BDNF: variants seen among roughly 807,000 people sequenced by gnomAD.
BDNF encodes the protein neurotrophic factor BDNF precursor form.
A neutral mutation model predicts 19.5 loss-of-function variants in BDNF; 1 was observed. The observed-to-expected ratio is 0.05, with a 90% confidence interval of 0.02 to 0.24. The LOEUF (loss-of-function observed/expected upper bound fraction) is 0.24. Among genes scored for constraint, BDNF ranks in the 10% least tolerant of loss-of-function variants. The probability of loss-of-function intolerance (pLI) is 1.00; values close to 1 mark genes in which losing one functional copy is unlikely to be tolerated. For synonymous variants in BDNF, 100 were observed against 121.6 expected, an observed-to-expected ratio of 0.82 and a Z score of 1.17; for missense variants, 195 against 317.6, an observed-to-expected ratio of 0.61 and a Z score of 2.93.
rs745560630 is a variant in BDNF at position 27,656,677 on chromosome 11, T to A, written c.*1144A>T. ...AGGTGTTTCTGGGTTGATACAGGGC[T>A]CTACCTTTTGCTTACAAGACATTGT... On this transcript the variant is annotated 3_prime_UTR_variant, in exon 2 of 2. Coordinates refer to ENST00000356660, the MANE Select transcript of BDNF (RefSeq NM_001709.5). The A allele has an allele frequency of 6.1e-6, 6 of 985,570 alleles. No individual in the cohort carries two copies. The African/African-American group carries it at 1.0e-4, about 17-fold the overall frequency. 61.1% of individuals were successfully genotyped at this position (985,570 alleles called of 1,614,324 possible). A position where few individuals can be genotyped will look rare whatever the true frequency, so the allele number is the denominator to read the frequency against.
intron 1 of BDNF, among the ~76,000 whole-genome samples, chr11:27,706,689 CATGTGTGTGAA>C (rs1349500221): frequency 6.6e-6 from 1 of 152,158 alleles, no homozygotes; most frequent in Non-Finnish European, 1.5e-5. Context: ...CCAAACCAGA[CATGTGTGTGAA>C]ATTATCCAGG....
chr11:27,682,203 G>T (rs1856914893), intron 1 of BDNF, among the ~76,000 whole-genome samples: 1 of 151,934 alleles, frequency 6.6e-6, no homozygotes, highest in Admixed American at 6.6e-5. Context: ...TTCTTAAACT[G>T]TCCCATACAT....
chr11:27,700,197 C>T lies in BDNF; in HGVS notation c.-55G>A. ...CCACACAAACCTCACGGGTCCCCGG[C>T]GGCGGAGTCACATCGTGGTTCCGAT... On this transcript the variant is annotated 5_prime_UTR_variant, in exon 1 of 2. Coordinates refer to ENST00000356660, the MANE Select transcript of BDNF (RefSeq NM_001709.5). The T allele has an allele frequency of 5.1e-6, 5 of 985,710 alleles. No homozygotes were observed. Among genetic ancestry groups the T allele is most frequent in the Non-Finnish European group, 6.0e-6 (5 of 830,178 alleles). 61.1% of individuals were successfully genotyped at this position (985,710 alleles called of 1,614,324 possible). A position where few individuals can be genotyped will look rare whatever the true frequency, so the allele number is the denominator to read the frequency against.
chr11:27,720,713 G>A (rs1028481440), intron 1 of BDNF: 1 of 985,848 alleles, frequency 1.0e-6, no homozygotes. Flanking sequence ...CCTATCGCCC[G>A]GATTACACAC....
At chr11:27,709,067 G>T (rs1056889726) in intron 1 of BDNF, among the ~76,000 whole-genome samples, 107 of 151,964 alleles carry the variant, frequency 7.0e-4, no homozygotes, top group African/African-American at 1.2e-3. Context: ...GACCTCAGGT[G>T]ATCCACCCGC....
chr11:27,704,015 G>A (rs926735182), upstream of BDNF, among the ~76,000 whole-genome samples: 5 of 152,128 alleles, frequency 3.3e-5, no homozygotes, highest in East Asian at 3.8e-4. Context: ...AATTTTGGAG[G>A]TCTAAAATCA....
intron 1 of BDNF, among the ~76,000 whole-genome samples, chr11:27,692,722 T>C (rs1039510222): frequency 6.6e-6 from 1 of 152,216 alleles, no homozygotes; most frequent in Non-Finnish European, 1.5e-5. Flanking sequence ...ATTAAATTAA[T>C]GGAAAGTTTT....
At chr11:27,706,220 G>A (rs1435480814) in intron 1 of BDNF, among the ~76,000 whole-genome samples, 1 of 152,124 alleles carries the variant, frequency 6.6e-6, no homozygotes, top group African/African-American at 2.4e-5. Context: ...TGAGAGGGAG[G>A]AAATCAGATA....
chr11:27,682,330 A>T lies in BDNF; in HGVS notation c.-22+17834T>A, dbSNP rs549556288. On this transcript the variant is annotated intron_variant, in intron 1 of 1. Transcript: ENST00000356660. ...TATATATTTTAAAGATTCAAGGGTA[A>T]TTCTGATGCTGAATGTGTTTGAGAA... 2.5e-4 allele frequency among the ~76,000 whole-genome samples: 38 copies of T among 151,878 alleles called. No individual in the cohort carries two copies. In the East Asian group the frequency reaches 5.2e-3, roughly 21 times the overall value.
At chr11:27,660,650 C>G (rs929011702) in intron 1 of BDNF, among the ~76,000 whole-genome samples, 2 of 151,952 alleles carry the variant, frequency 1.3e-5, no homozygotes, top group African/African-American at 2.4e-5. Flanking sequence ...TTTCTGTGAT[C>G]AGCTATTTTT....
intron 1 of BDNF, among the ~76,000 whole-genome samples, chr11:27,695,527 T>G (rs1194864123): frequency 1.3e-5 from 2 of 152,160 alleles, no homozygotes; most frequent in Admixed American, 1.3e-4. Flanking sequence ...GATGAAAGCA[T>G]GTTTAAGAGC....
chr11:27,660,860 C>T (rs1853350214), intron 1 of BDNF, among the ~76,000 whole-genome samples: 1 of 151,636 alleles, frequency 6.6e-6, no homozygotes, highest in Admixed American at 6.6e-5. Context: ...GTCCAAAATA[C>T]TGAGGCATCT....
At chr11:27,698,981 G>A (rs1242735828) in intron 1 of BDNF, among the ~76,000 whole-genome samples, 2 of 151,990 alleles carry the variant, frequency 1.3e-5, no homozygotes, top group Middle Eastern at 3.2e-3. Context: ...ATCCACCGAC[G>A]ACGAGTCGCA....
At chr11:27,719,042 C>T (rs1158636357) in intron 1 of BDNF, among the ~76,000 whole-genome samples, 4 of 152,078 alleles carry the variant, frequency 2.6e-5, no homozygotes, top group Non-Finnish European at 5.9e-5. Flanking sequence ...AGCCTGGTGG[C>T]CCCCGCCCAG....
At chr11:27,662,351 C>G (rs887390108) in intron 1 of BDNF, among the ~76,000 whole-genome samples, 3 of 152,140 alleles carry the variant, frequency 2.0e-5, no homozygotes, top group Non-Finnish European at 4.4e-5. Context: ...TAGCAGTACT[C>G]AGTAAAAACT....
rs541622130 is a variant in BDNF, at chr11:27,713,151, G to A, written c.3+8261C>T. ...TGACCTCAAGTGATCCACTCACCTCGGCCTCCCAAAGTGTTGGGATTACAG... is the reference window on the plus strand; with the variant it reads ...TGACCTCAAGTGATCCACTCACCTCAGCCTCCCAAAGTGTTGGGATTACAG... On this transcript the variant is annotated intron_variant, in intron 1 of 1. Coordinates refer to the BDNF transcript ENST00000314915. 3.4e-3 allele frequency among the ~76,000 whole-genome samples: 519 copies of A among 152,132 alleles called. 2 individuals are homozygous for A. The highest frequency in any genetic ancestry group is 5.3e-3 in the Non-Finnish European group (360 of 67,988).
chr11:27,664,339 TCTTACTTACCTCCCTCC>T lies in BDNF; in HGVS notation c.-21-5771_-21-5755del, dbSNP rs550458118. Among the ~76,000 whole-genome samples the T allele has an allele frequency of 4.3e-3, 658 of 152,214 alleles. 3 individuals carry two copies. The highest frequency in any genetic ancestry group is 7.7e-3 in the South Asian group (37 of 4,812). On this transcript the variant is annotated intron_variant, in intron 1 of 1. Coordinates refer to ENST00000356660, the MANE Select transcript of BDNF (RefSeq NM_001709.5). ...ATCACACATGAAGTCTACTTTCCAG[TCTTACTTACCTCCCTCC>T]CTAGGAGGGAGGTAGGACATACGTA... is the stretch of plus-strand genomic sequence containing the variant.
Position 27,657,208 on chromosome 11 carries a change from C to G in BDNF, c.*613G>C. The G allele has an allele frequency of 1.0e-6, 1 of 984,096 alleles. No homozygotes were observed. The highest frequency in any genetic ancestry group is 4.7e-5 in the South Asian group (1 of 21,306). 61.0% of individuals were successfully genotyped at this position (984,096 alleles called of 1,614,324 possible). A position where few individuals can be genotyped will look rare whatever the true frequency, so the allele number is the denominator to read the frequency against. On this transcript the variant is annotated 3_prime_UTR_variant, in exon 2 of 2. Coordinates refer to ENST00000356660, the MANE Select transcript of BDNF (RefSeq NM_001709.5). The surrounding 1 kb of genome is among the most constrained non-coding windows in gnomAD (Gnocchi z 5.0). ...TATATTGTAGGAATTCTTTCCCCAT[C>G]TCTACTCCCTGTGGGAACTAAAAAA... is the stretch of plus-strand genomic sequence containing the variant.
upstream of BDNF, chr11:27,701,528 C>A: frequency 1.0e-6 from 1 of 987,826 alleles, no homozygotes; most frequent in Non-Finnish European, 1.2e-6. Flanking sequence ...ACCCCATCAG[C>A]GAGAAGCTCC....
Sources: allele counts gnomAD v4.1 joint callset (sites outside exome capture counted in the v4.1 genomes callset), GRCh38; gene constraint gnomAD v4.1.1; non-coding constraint Gnocchi (gnomAD v3.1); transcripts MANE v1.5; gene names NCBI Gene and HGNC (gene_info 2026-07-23, HGNC 2026-07-21).